TSC22D1: variants seen among roughly 807,000 people sequenced by gnomAD.
TSC22D1 encodes TSC22 domain family member 1.
Under a neutral mutation model 74.2 loss-of-function variants are expected in TSC22D1, and 9 were observed. That is an observed-to-expected ratio of 0.12 (90% CI 0.07 to 0.21). The LOEUF is 0.21. Ranked by LOEUF, TSC22D1 falls within the 10% of genes least tolerant of loss-of-function variation. The probability of loss-of-function intolerance (pLI) is 1.00; values close to 1 mark genes in which losing one functional copy is unlikely to be tolerated. For missense variants in TSC22D1, 1,427 were observed against 1,304.7 expected, an observed-to-expected ratio of 1.09 and a Z score of -1.44; for synonymous variants, 586 against 492.5, an observed-to-expected ratio of 1.19 and a Z score of -2.51.
chr13:44,487,498 CAAAAAAAAAAAA>C (rs61034237), intron 1 of TSC22D1, among the ~76,000 whole-genome samples: 73 of 23,452 alleles, frequency 3.1e-3, no homozygotes, highest in African/African-American at 0.013. Flanking sequence ...GACTCCATCT[CAAAAAAAAAAAA>C]AAAAAAAAAA....
chr13:44,534,957 A>C (rs1035889307), intron 1 of TSC22D1, among the ~76,000 whole-genome samples: 6 of 152,132 alleles, frequency 3.9e-5, no homozygotes, highest in Non-Finnish European at 7.4e-5. Flanking sequence ...ATTAAATATG[A>C]ATCATAAATG....
intron 1 of TSC22D1, among the ~76,000 whole-genome samples, chr13:44,450,853 G>C (rs952817965): frequency 1.3e-5 from 2 of 152,190 alleles, no homozygotes; most frequent in African/African-American, 2.4e-5. Flanking sequence ...GAGTGGATGA[G>C]ATTACCTCAG....
At chr13:44,537,144 C>CA in intron 1 of TSC22D1, 1 of 881,726 alleles carries the variant, frequency 1.1e-6, no homozygotes, top group Non-Finnish European at 1.4e-6. Flanking sequence ...CAAATTATCA[C>CA]ATAATACAGA....
chr13:44,433,870 G>T lies in TSC22D1; in HGVS notation c.*756C>A. ...TTTTTATGTAGATCTATATATAAAA[G>T]TCCACACCTCCTCAGACAGCCAATG... On this transcript the variant is annotated 3_prime_UTR_variant, in exon 3 of 3. Transcript: ENST00000458659. 1 of 1,050,648 alleles carries T rather than the reference G, an allele frequency of 9.5e-7. No individual in the cohort carries two copies. 65.1% of individuals were successfully genotyped at this position (1,050,648 alleles called of 1,614,324 possible). A position where few individuals can be genotyped will look rare whatever the true frequency, so the allele number is the denominator to read the frequency against.
At chr13:44,531,695 A>G (rs775870313) in intron 1 of TSC22D1, among the ~76,000 whole-genome samples, 1 of 152,322 alleles carries the variant, frequency 6.6e-6, no homozygotes, top group South Asian at 2.1e-4. Context: ...GCAACCATTA[A>G]ATAAATAAAA....
At chr13:44,547,238 A>T (rs893184178) in intron 1 of TSC22D1, among the ~76,000 whole-genome samples, 6 of 152,170 alleles carry the variant, frequency 3.9e-5, no homozygotes, top group African/African-American at 1.4e-4. Flanking sequence ...ATTTAGTCCA[A>T]TCTTTCTTTA....
intron 1 of TSC22D1, among the ~76,000 whole-genome samples, chr13:44,552,110 T>A (rs1882322136): frequency 6.6e-6 from 1 of 152,142 alleles, no homozygotes; most frequent in South Asian, 2.1e-4. Context: ...CATGAATTCA[T>A]TCCCTAATTT....
intron 1 of TSC22D1, among the ~76,000 whole-genome samples, chr13:44,470,092 G>C (rs1047410618): frequency 2.0e-5 from 3 of 152,106 alleles, no homozygotes; most frequent in African/African-American, 7.2e-5. Flanking sequence ...CTTAAGGTAG[G>C]GCTCAACTGT....
At chr13:44,446,211 A>G (rs1875628244) in intron 1 of TSC22D1, among the ~76,000 whole-genome samples, 2 of 152,220 alleles carry the variant, frequency 1.3e-5, no homozygotes, top group Non-Finnish European at 2.9e-5. Flanking sequence ...ACACATAACA[A>G]CCTGAATGAA....
At position 44,576,115 on chromosome 13, in the gene TSC22D1, T is replaced by C; in HGVS notation, c.-41A>G. 6.8e-7 allele frequency: 1 copy of C among 1,468,524 alleles called. No homozygotes were observed. Among genetic ancestry groups the C allele is most frequent in the South Asian group, 1.4e-5 (1 of 72,148 alleles). The allele number at this position is 1,468,524 out of a possible 1,614,324, so 91.0% of individuals were successfully genotyped here. A position where few individuals can be genotyped will look rare whatever the true frequency, so the allele number is the denominator to read the frequency against. ...GGGCGCGGAGGAGACGAGTGCAATT[T>C]CCTTCTGCACCGTAATCTTTGTATT... On this transcript the variant is annotated 5_prime_UTR_variant, in exon 1 of 3. Coordinates refer to ENST00000458659, the MANE Select transcript of TSC22D1 (RefSeq NM_183422.4).
At chr13:44,558,693 T>C (rs1224798866) in intron 1 of TSC22D1, among the ~76,000 whole-genome samples, 3 of 152,172 alleles carry the variant, frequency 2.0e-5, no homozygotes, top group East Asian at 3.9e-4. Context: ...TGAGCCGAGA[T>C]TGTGCCACTG....
Position 44,573,399 on chromosome 13 carries a change from T to C in TSC22D1, c.2676A>G (p.Leu892=). The part of the protein sequence containing the change: ...TNLPLAQQIP[L]SSTQFSAQSL... ...ATTGTGCGGAGAACTGGGTAGAACTTAGTGGTATCTGTTGTGCCAAAGGCA... is the reference window on the plus strand; with the variant it reads ...ATTGTGCGGAGAACTGGGTAGAACTCAGTGGTATCTGTTGTGCCAAAGGCA... Residue 892 remains leucine (L), a synonymous_variant, in exon 1 of 3, where the codon CTA becomes CTG. Coordinates refer to ENST00000458659, the MANE Select transcript of TSC22D1 (RefSeq NM_183422.4). The C allele has an allele frequency of 6.2e-7, 1 of 1,614,252 alleles. No homozygotes were observed. The highest frequency in any genetic ancestry group is 1.3e-5 in the African/African-American group (1 of 75,060).
chr13:44,475,190 T>TA (rs900509023), intron 1 of TSC22D1, among the ~76,000 whole-genome samples: 46 of 151,890 alleles, frequency 3.0e-4, no homozygotes, highest in Non-Finnish European at 6.6e-4. Context: ...TGGATCTCCT[T>TA]AAAAAAATAA....
intron 1 of TSC22D1, among the ~76,000 whole-genome samples, chr13:44,554,763 G>A (rs1461910269): frequency 6.6e-6 from 1 of 151,796 alleles, no homozygotes; most frequent in Non-Finnish European, 1.5e-5. Context: ...CAGGCAATGA[G>A]GACACAGTGA....
intron 1 of TSC22D1, among the ~76,000 whole-genome samples, chr13:44,547,486 T>C (rs369939160): frequency 2.6e-5 from 4 of 152,196 alleles, no homozygotes; most frequent in Admixed American, 1.3e-4. Context: ...AAGCATATCA[T>C]AGAACAGGTG....
chr13:44,436,781 A>G lies in TSC22D1; in HGVS notation c.2913-686T>C, dbSNP rs1052498725. The stretch of plus-strand genomic sequence containing the variant: ...GAAACCCAGCTTCTAGGGCTTGATG[A>G]TCCCAGGCAGATGCGGATCCCAGTG... On this transcript the variant is annotated intron_variant, in intron 1 of 2. Transcript: ENST00000458659. 8.3e-6 allele frequency: 12 copies of G among 1,450,430 alleles called. No homozygotes were observed. In the African/African-American group the frequency reaches 1.7e-4, roughly 21 times the overall value. The allele number at this position is 1,450,430 out of a possible 1,614,324, so 89.8% of individuals were successfully genotyped here.
chr13:44,457,637 C>CAAAAAAAAAAAAAAAA (rs10692086), intron 1 of TSC22D1, among the ~76,000 whole-genome samples: 5 of 85,400 alleles, frequency 5.9e-5, no homozygotes, highest in Admixed American at 1.3e-4. Context: ...AAGCAAATAG[C>CAAAAAAAAAAAAAAAA]AAAAAAAAAA....
At chr13:44,469,842 G>A (rs539973819) in intron 1 of TSC22D1, among the ~76,000 whole-genome samples, 7 of 152,198 alleles carry the variant, frequency 4.6e-5, no homozygotes, top group Admixed American at 1.3e-4. Flanking sequence ...GTCAATTGAC[G>A]ATGCCCTAAT....
At chr13:44,462,530 T>C (rs1385860132) in intron 1 of TSC22D1, among the ~76,000 whole-genome samples, 2 of 152,202 alleles carry the variant, frequency 1.3e-5, no homozygotes, top group African/African-American at 2.4e-5. Context: ...TACTTTCAGT[T>C]ATATGGATCA....
Sources: allele counts gnomAD v4.1 joint callset (sites outside exome capture counted in the v4.1 genomes callset), GRCh38; gene constraint gnomAD v4.1.1; transcripts MANE v1.5; gene names NCBI Gene and HGNC (gene_info 2026-07-23, HGNC 2026-07-21).